Variants in MYO1D observed in about 807,000 individuals in gnomAD.
MYO1D encodes myosin ID.
Under a neutral mutation model 122.0 loss-of-function variants are expected in MYO1D, and 83 were observed. That is an observed-to-expected ratio of 0.68 (90% CI 0.57 to 0.82). The LOEUF is 0.82. MYO1D is among the 40% of genes least tolerant of loss of function. The pLI, the probability that MYO1D is intolerant of heterozygous loss-of-function variation, is 0.00. For missense variants in MYO1D, 1,157 were observed against 1,269.5 expected (o/e 0.91, Z 1.35); for synonymous variants, 464 against 446.9 (o/e 1.04, Z -0.48).
intron 21 of MYO1D, among the ~76,000 whole-genome samples, chr17:32,603,521 CTTTTTTT>C (rs776245633): frequency 9.2e-4 from 92 of 99,678 alleles, no homozygotes; most frequent in African/African-American, 3.2e-3. Flanking sequence ...ACATTCTAAA[CTTTTTTT>C]TTTTTTTTTT....
intron 11 of MYO1D, among the ~76,000 whole-genome samples, chr17:32,753,901 GA>G (rs201189942): frequency 0.052 from 4,469 of 86,066 alleles, 129 homozygotes; most frequent in East Asian, 0.26. Context: ...CATCTCAAAA[GA>G]AAAAAAAAAA....
intron 1 of MYO1D, among the ~76,000 whole-genome samples, chr17:32,827,681 A>T (rs181633042): frequency 6.6e-6 from 1 of 152,336 alleles, no homozygotes; most frequent in Admixed American, 6.5e-5. Context: ...ACACCCCCCA[A>T]AAAGGAAAGA....
At chr17:32,859,169 A>G (rs374372293) in intron 1 of MYO1D, among the ~76,000 whole-genome samples, 37 of 152,214 alleles carry the variant, frequency 2.4e-4, no homozygotes, top group East Asian at 9.6e-4. Context: ...ATTCACATCT[A>G]TATTTACTCC....
intron 1 of MYO1D, among the ~76,000 whole-genome samples, chr17:32,860,734 C>T (rs1598162275): frequency 6.6e-6 from 1 of 152,108 alleles, no homozygotes; most frequent in African/African-American, 2.4e-5. Flanking sequence ...TTTTTGCCCC[C>T]GTAGTAAATG....
At position 32,778,543 on chromosome 17, in the gene MYO1D, C is replaced by A; in HGVS notation, c.335G>T (p.Ser112Ile). ...GESGAGKTEA[S>I]KYIMQYIAAI... ...CGCAATATACTGCATAATGTACTTA[C>A]TGGCTTCCGTTTTACCAGCTCCACT... Residue 112 changes from serine to isoleucine, a missense_variant, in exon 3 of 22, where the codon AGT becomes ATT. Transcript: ENST00000318217. 1 of 1,614,088 alleles carries A rather than the reference C, an allele frequency of 6.2e-7. No homozygotes were observed. Among genetic ancestry groups the A allele is most frequent in the Non-Finnish European group, 8.5e-7 (1 of 1,179,936 alleles).
At chr17:32,791,861 C>G (rs1040883058) in intron 1 of MYO1D, among the ~76,000 whole-genome samples, 5 of 152,166 alleles carry the variant, frequency 3.3e-5, no homozygotes, top group African/African-American at 1.2e-4. Context: ...GTGTTTCTCT[C>G]TCCTCTTTCC....
chr17:32,763,371 A>T (rs2090022264), intron 8 of MYO1D, among the ~76,000 whole-genome samples: 1 of 152,192 alleles, frequency 6.6e-6, no homozygotes, highest in African/African-American at 2.4e-5. Flanking sequence ...CGAAAGTTAG[A>T]CGTGAGAAAA....
intron 20 of MYO1D, among the ~76,000 whole-genome samples, chr17:32,621,818 G>C (rs1251725854): frequency 6.6e-6 from 1 of 152,108 alleles, no homozygotes. Context: ...CCTCATGCTG[G>C]GATTAGTGTC....
At chr17:32,764,052 A>G (rs1023675620) in intron 8 of MYO1D, among the ~76,000 whole-genome samples, 2 of 152,214 alleles carry the variant, frequency 1.3e-5, no homozygotes, top group Non-Finnish European at 2.9e-5. Context: ...GCAGTTGCAA[A>G]AAAGGGAAGT....
In MYO1D at chr17:32,853,289, T is replaced by G. The variant is rs977643142; in HGVS notation, c.95+23489A>C. ...AGCTTCAGTCATGTGATTATATATCTCCTTCATTAACACCACAGTCTTCTA... is the reference window on the plus strand; with the variant it reads ...AGCTTCAGTCATGTGATTATATATCGCCTTCATTAACACCACAGTCTTCTA... On this transcript the variant is annotated intron_variant, in intron 1 of 21. Coordinates refer to ENST00000318217, the MANE Select transcript of MYO1D (RefSeq NM_015194.3). 3.3e-5 allele frequency among the ~76,000 whole-genome samples: 5 copies of G among 152,330 alleles called. No homozygotes were observed. The East Asian group carries it at 7.7e-4, about 23-fold the overall frequency.
chr17:32,529,002 G>A (rs182507940), intron 21 of MYO1D: 1 of 152,372 alleles, frequency 6.6e-6, no homozygotes, highest in Admixed American at 6.5e-5. Flanking sequence ...ACATAGATCG[G>A]TAGATGGTGT....
chr17:32,681,243 C>T (rs1021232878), intron 16 of MYO1D, among the ~76,000 whole-genome samples: 29 of 151,688 alleles, frequency 1.9e-4, no homozygotes, highest in African/African-American at 6.8e-4. Flanking sequence ...TTTTATGTCT[C>T]TATTTCCTTC....
intron 16 of MYO1D, among the ~76,000 whole-genome samples, chr17:32,697,672 T>C (rs533942622): frequency 2.0e-5 from 3 of 152,368 alleles, no homozygotes; most frequent in East Asian, 3.9e-4. Flanking sequence ...CGATCACTTT[T>C]TGTTACTATA....
intron 17 of MYO1D, among the ~76,000 whole-genome samples, chr17:32,657,156 T>TGC (rs1276781063): frequency 6.6e-6 from 1 of 152,158 alleles, no homozygotes; most frequent in African/African-American, 2.4e-5. Flanking sequence ...TGGAGAAAGC[T>TGC]CAATTAAAAA....
At chr17:32,615,217 T>C (rs879790250) in intron 20 of MYO1D, among the ~76,000 whole-genome samples, 1 of 152,078 alleles carries the variant, frequency 6.6e-6, no homozygotes, top group Non-Finnish European at 1.5e-5. Context: ...AGGTGGAAGC[T>C]GGAAAGGTTC....
chr17:32,783,214 C>A (rs1446749022), intron 1 of MYO1D, among the ~76,000 whole-genome samples: 1 of 151,706 alleles, frequency 6.6e-6, no homozygotes, highest in Non-Finnish European at 1.5e-5. Context: ...GGGAACTCTG[C>A]AACTAAGAGT....
At chr17:32,513,700 T>C (rs568943556) in intron 21 of MYO1D, among the ~76,000 whole-genome samples, 1 of 152,334 alleles carries the variant, frequency 6.6e-6, no homozygotes, top group Admixed American at 6.5e-5. Context: ...TGCTGTGCTA[T>C]ATTAAGTGAC....
In MYO1D at chr17:32,544,508, A is replaced by G. The variant is rs562364437; in HGVS notation, c.2865-49593T>C. Among the ~76,000 whole-genome samples, 82 of 152,316 alleles carry G rather than the reference A, an allele frequency of 5.4e-4. 1 individual carries two copies. The South Asian group carries it at 7.1e-3, about 13-fold the overall frequency. ...GTGGTATATTTTAAAGGAATCTCCA[A>G]AAATGAGTAGGATTGGGGTGGTAAA... On this transcript the variant is annotated intron_variant, in intron 21 of 21. Transcript: ENST00000318217.
At chr17:32,693,310 A>T (rs1309590100) in intron 16 of MYO1D, among the ~76,000 whole-genome samples, 1 of 150,862 alleles carries the variant, frequency 6.6e-6, no homozygotes, top group Non-Finnish European at 1.5e-5. Context: ...AAATGTTGTC[A>T]TGGAGACAAC....
Sources: allele counts gnomAD v4.1 joint callset (sites outside exome capture counted in the v4.1 genomes callset), GRCh38; gene constraint gnomAD v4.1.1; transcripts MANE v1.5; gene names NCBI Gene and HGNC (gene_info 2026-07-23, HGNC 2026-07-21).